The following KLHL15 variants were observed in gnomAD, a reference collection of about 807,000 sequenced individuals.
KLHL15 encodes the protein kelch-like protein 15.
In KLHL15, 1 loss-of-function variant was observed where a neutral mutation model predicts 29.3. The ratio of observed to expected loss-of-function variants is 0.03; its 90% CI spans 0.01 to 0.16. KLHL15 has a LOEUF of 0.16. Ranked by LOEUF, KLHL15 falls within the 10% of genes least tolerant of loss-of-function variation. The pLI is 1.00. For missense variants in KLHL15, 215 were observed against 478.5 expected (o/e 0.45, Z 5.14); for synonymous variants, 212 against 184.5 (o/e 1.15, Z -1.21).
intron 2 of KLHL15, among the ~76,000 whole-genome samples, chrX:24,016,454 C>T (rs1021161934): frequency 3.7e-5 from 4 of 106,669 alleles, no homozygotes; most frequent in African/African-American, 1.4e-4. Flanking sequence ...CACTTGAGGT[C>T]AGGAGTTCGA....
intron 3 of KLHL15, among the ~76,000 whole-genome samples, chrX:24,003,562 C>CA (rs57011870): frequency 0.024 from 1,547 of 64,211 alleles, 20 homozygotes; most frequent in African/African-American, 0.05. Flanking sequence ...CAAAAAAAAC[C>CA]AAAAAAAAAA....
chrX:23,999,439 C>T (rs1157404278), intron 3 of KLHL15, among the ~76,000 whole-genome samples: 2 of 107,705 alleles, frequency 1.9e-5, no homozygotes, highest in Non-Finnish European at 3.8e-5. Flanking sequence ...ACTAAAAATA[C>T]AAGAAATTAG....
At chrX:24,024,575 T>A (rs1285219203) in intron 2 of KLHL15, among the ~76,000 whole-genome samples, 3 of 112,747 alleles carry the variant, frequency 2.7e-5, no homozygotes, top group African/African-American at 9.7e-5. Flanking sequence ...ATTGAATTGT[T>A]AAAGGGAAGG....
chrX:23,986,284 A>AAACAAAC lies in KLHL15; in HGVS notation c.*1636_*1637insGTTTGTT. ...TATGTTCAATGGTGGCAGCAGCAAA[A>AAACAAAC]AAACAAACAAACAAACAAAAAAACA... On this transcript the variant is annotated 3_prime_UTR_variant, in exon 4 of 4. Coordinates refer to ENST00000328046, the MANE Select transcript of KLHL15 (RefSeq NM_030624.3). The AAACAAAC allele has an allele frequency of 9.0e-6, 1 of 110,752 alleles. No individual in the cohort carries two copies. The highest frequency in any genetic ancestry group is 3.8e-4 in the South Asian group (1 of 2,645). The allele number at this position is 110,752 out of a possible 1,213,427, so 9.1% of individuals were successfully genotyped here. A position where few individuals can be genotyped will look rare whatever the true frequency, so the allele number is the denominator to read the frequency against.
chrX:24,023,789 T>A (rs781030598), intron 2 of KLHL15, among the ~76,000 whole-genome samples: 1 of 112,439 alleles, frequency 8.9e-6, no homozygotes, highest in Non-Finnish European at 1.9e-5. Context: ...AATAAAATTA[T>A]ATAATTACAT....
At chrX:24,001,455 G>T (rs1353930983) in intron 3 of KLHL15, among the ~76,000 whole-genome samples, 1 of 111,147 alleles carries the variant, frequency 9.0e-6, no homozygotes, top group Non-Finnish European at 1.9e-5. Context: ...CAACATATGG[G>T]TATTTTAATG....
rs1163321797 is a variant in KLHL15 at position 23,984,966 on chromosome X, A to G, written c.*2955T>C. 1 of 112,307 alleles carries G rather than the reference A, an allele frequency of 8.9e-6. No individual in the cohort carries two copies. The highest frequency in any genetic ancestry group is 3.2e-5 in the African/African-American group (1 of 30,992). The allele number at this position is 112,307 out of a possible 1,213,427, so 9.3% of individuals were successfully genotyped here. ...GAAAGCTGTCTCAAGAAAAGCTAAT[A>G]ATTCTATTAGTTAAGCTTTGCTTTT... On this transcript the variant is annotated 3_prime_UTR_variant, in exon 4 of 4. Transcript: ENST00000328046.
intron 2 of KLHL15, among the ~76,000 whole-genome samples, chrX:24,015,913 C>T (rs1015003394): frequency 1.7e-4 from 18 of 108,304 alleles, no homozygotes; most frequent in African/African-American, 5.1e-4. Context: ...GCAGGAGAAT[C>T]GCTTGAACCT....
chrX:23,988,485 A>G lies in KLHL15; in HGVS notation c.1251T>C (p.Tyr417=), dbSNP rs746760594. The G allele has an allele frequency of 1.4e-4, 167 of 1,209,401 alleles. No homozygotes were observed. Among genetic ancestry groups the G allele is most frequent in the Non-Finnish European group, 1.8e-4 (161 of 894,820 alleles). Residue 417 remains tyrosine, a synonymous_variant, in exon 4 of 4, where the codon TAT becomes TAC. Transcript: ENST00000328046. The part of the protein sequence containing the change: ...EFVDPYPVNK[Y]GHEGTVLNNK... ...TATTGAGCACTGTCCCCTCATGTCCATATTTGTTAACTGGATAAGGATCCA... is the reference window on the plus strand; with the variant it reads ...TATTGAGCACTGTCCCCTCATGTCCGTATTTGTTAACTGGATAAGGATCCA...
intron 3 of KLHL15, among the ~76,000 whole-genome samples, chrX:23,995,928 T>C (rs893786847): frequency 4.5e-5 from 5 of 110,627 alleles, no homozygotes; most frequent in Non-Finnish European, 7.6e-5. Context: ...TTTGTATTTT[T>C]AGTAGAAATG....
At chrX:24,012,836 T>G (rs1407797771) in intron 2 of KLHL15, among the ~76,000 whole-genome samples, 2 of 111,379 alleles carry the variant, frequency 1.8e-5, no homozygotes, top group Non-Finnish European at 3.8e-5. Flanking sequence ...AACCTACCTT[T>G]AAGTCCTATT....
intron 3 of KLHL15, among the ~76,000 whole-genome samples, chrX:24,005,688 T>C (rs767650777): frequency 1.8e-5 from 2 of 112,228 alleles, no homozygotes; most frequent in African/African-American, 6.5e-5. Flanking sequence ...ACAGCAAACA[T>C]GTAATATTTT....
At chrX:24,004,860 A>G (rs1459146540) in intron 3 of KLHL15, among the ~76,000 whole-genome samples, 6 of 111,068 alleles carry the variant, frequency 5.4e-5, no homozygotes, top group Non-Finnish European at 9.4e-5. Flanking sequence ...ACATCAATAC[A>G]TTGAGAATAA....
At chrX:24,001,890 T>C (rs1233111874) in intron 3 of KLHL15, among the ~76,000 whole-genome samples, 3 of 106,994 alleles carry the variant, frequency 2.8e-5, no homozygotes, top group Admixed American at 1.0e-4. Context: ...TCCCAGCACT[T>C]TGGGAGGCCA....
rs778340636 is a variant in KLHL15 at position 24,020,139 on chromosome X, C to T, written c.-8+4718G>A. The stretch of plus-strand genomic sequence containing the variant: ...TGCAGAAAATGCCACAGTTGCATAT[C>T]GAAAAGAGAATGCAAAGGCTTACTA... On this transcript the variant is annotated intron_variant, in intron 2 of 3. Coordinates refer to ENST00000328046, the MANE Select transcript of KLHL15 (RefSeq NM_030624.3). Among the ~76,000 whole-genome samples, 5 of 112,327 alleles carry T rather than the reference C, an allele frequency of 4.5e-5. No homozygotes were observed. In the South Asian group the frequency reaches 1.4e-3, roughly 32 times the overall value.
intron 2 of KLHL15, among the ~76,000 whole-genome samples, chrX:24,016,719 C>A (rs1411132989): frequency 1.8e-5 from 2 of 111,066 alleles, no homozygotes; most frequent in Non-Finnish European, 3.8e-5. Flanking sequence ...CAGGTTGCTG[C>A]GATAATAAAG....
chrX:23,988,769 C>T lies in KLHL15; in HGVS notation c.967G>A (p.Ala323Thr). The change falls in exon 4 of 4, where the codon GCT becomes ACT. Residue 323 changes from alanine to threonine, a missense_variant. Ala to Thr is a moderately conservative substitution (Grantham distance 58). Coordinates refer to ENST00000328046, the MANE Select transcript of KLHL15 (RefSeq NM_030624.3). ...PQVPLRPDCL[A>T]IVNNFVFLLG... is the part of the protein sequence containing the mutation. The stretch of plus-strand genomic sequence containing the variant: ...AGGAACACAAAATTATTGACGATAG[C>T]AAGGCAGTCAGGTCGCAGAGGTACT... 4.1e-6 allele frequency: 5 copies of T among 1,211,958 alleles called. No individual in the cohort carries two copies. Among genetic ancestry groups the T allele is most frequent in the Non-Finnish European group, 5.6e-6 (5 of 895,605 alleles).
chrX:23,993,881 T>A (rs4633225), intron 3 of KLHL15, among the ~76,000 whole-genome samples: 44,106 of 104,620 alleles, frequency 0.42, 8,056 homozygotes, highest in South Asian at 0.77. Flanking sequence ...TAATAATAAT[T>A]AAAAAAATAC....
In KLHL15 at chrX:23,987,916, T is replaced by C. The variant is rs532904531; in HGVS notation, c.*5A>G. ...TTGCCTCTTTTTTTAGGGAGGAGGA[T>C]GTCATTAGTTGCAACGCCTGACCTC... On this transcript the variant is annotated 3_prime_UTR_variant, in exon 4 of 4. Coordinates refer to ENST00000328046, the MANE Select transcript of KLHL15 (RefSeq NM_030624.3). 2.5e-4 allele frequency: 291 copies of C among 1,181,700 alleles called. No individual in the cohort carries two copies. In the South Asian group the frequency reaches 5.2e-3, roughly 21 times the overall value.
Sources: gnomAD v4.1 joint callset for allele counts (sites outside exome capture counted in the v4.1 genomes callset) on GRCh38, gnomAD v4.1.1 for gene constraint, MANE v1.5 for transcripts, NCBI Gene and HGNC (gene_info 2026-07-23, HGNC 2026-07-21) for gene names.